The following ANKRD30B variants were observed in gnomAD, a reference collection of about 807,000 sequenced individuals.
ANKRD30B encodes ankyrin repeat domain 30B, also known as ankyrin repeat domain-containing protein 30B.
Under a neutral mutation model 202.2 loss-of-function variants are expected in ANKRD30B, and 144 were observed. The observed-to-expected ratio is 0.71, with a 90% confidence interval of 0.62 to 0.82. The LOEUF is 0.82. Among genes scored for constraint, ANKRD30B ranks in the 40% least tolerant of loss-of-function variants. The pLI is 0.00. For synonymous variants in ANKRD30B, 508 were observed against 561.3 expected (o/e 0.91, Z 1.34); for missense variants, 1,487 against 1,669.1 (o/e 0.89, Z 1.90).
At chr18:14,875,884 C>T in the ANKRD30B span, among the ~76,000 whole-genome samples, 7 of 152,120 alleles carry the variant, frequency 4.6e-5, no homozygotes, top group South Asian at 4.1e-4. Context: ...GGGCAATGGG[C>T]GCTAAGAATT....
the ANKRD30B span, among the ~76,000 whole-genome samples, chr18:14,911,159 A>T: frequency 6.6e-6 from 1 of 151,938 alleles, no homozygotes. Flanking sequence ...GTTTTGTTGC[A>T]CTTGCTTTTG....
the ANKRD30B span, among the ~76,000 whole-genome samples, chr18:14,873,856 G>A: frequency 1.3e-5 from 2 of 152,130 alleles, no homozygotes; most frequent in African/African-American, 2.4e-5. Context: ...CGAGGAATGG[G>A]TTCCATTTAA....
the ANKRD30B span, among the ~76,000 whole-genome samples, chr18:14,898,497 G>C: frequency 2.0e-5 from 3 of 152,156 alleles, no homozygotes; most frequent in African/African-American, 7.2e-5. Context: ...CTGCGGCCTA[G>C]TTCCTAACAG....
chr18:14,778,375 T>C (rs1265308649), intron 10 of ANKRD30B, among the ~76,000 whole-genome samples: 8 of 152,014 alleles, frequency 5.3e-5, no homozygotes, highest in Admixed American at 5.2e-4. Context: ...CAACAAGAAA[T>C]GGGTTTAGGT....
At chr18:14,896,282 C>T in the ANKRD30B span, among the ~76,000 whole-genome samples, 1 of 152,014 alleles carries the variant, frequency 6.6e-6, no homozygotes, top group Non-Finnish European at 1.5e-5. Context: ...CAGGCACCCG[C>T]CACCACGCCC....
chr18:14,748,330 G>T lies in ANKRD30B; in HGVS notation c.-90G>T, dbSNP rs1397124470. The T allele has an allele frequency of 1.8e-6, 2 of 1,141,356 alleles. No homozygotes were observed. Among genetic ancestry groups the T allele is most frequent in the African/African-American group, 3.2e-5 (2 of 63,332 alleles). The allele number at this position is 1,141,356 out of a possible 1,614,324, so 70.7% of individuals were successfully genotyped here. On this transcript the variant is annotated 5_prime_UTR_variant, in exon 1 of 44. Coordinates refer to ENST00000690538, the MANE Select transcript of ANKRD30B (RefSeq NM_001367607.2). ...AGTGCGAGCCGGGGGCGGGTGCTGG[G>T]GAAGGGTAAGCGGGAAGCGAGGGCG...
At chr18:14,808,372 G>T in intron 24 of ANKRD30B, 179 bp from the exon 25 acceptor site, 2 of 676,226 alleles carry the variant, frequency 3.0e-6, no homozygotes, top group Non-Finnish European at 5.4e-6. Flanking sequence ...ATTTTCTTAA[G>T]TATATTTCTG....
rs1971891436 is a variant in ANKRD30B, at chr18:14,851,674, G to T, written c.3730G>T (p.Glu1244Ter). Residue 1244 changes from glutamate (E) to a stop codon, truncating the protein, a stop_gained, in exon 42 of 44, where the codon GAA becomes TAA. Transcript: ENST00000690538. LOFTEE classifies it high-confidence loss of function. ...TAAGATTTTACAAGAAAAGAATGCT[G>T]AACTTCAAATGACCCTAAAACTGAA... is the stretch of plus-strand genomic sequence containing the variant. ...DIKILQEKNA[E>*]LQMTLKLKQK... The T allele has an allele frequency of 6.2e-7, 1 of 1,610,484 alleles. No homozygotes were observed. The highest frequency in any genetic ancestry group is 8.5e-7 in the Non-Finnish European group (1 of 1,178,636).
At chr18:14,806,379 A>G (rs1969514879) in intron 24 of ANKRD30B, among the ~76,000 whole-genome samples, 1 of 151,054 alleles carries the variant, frequency 6.6e-6, no homozygotes, top group African/African-American at 2.4e-5. Flanking sequence ...AGAAATTAAA[A>G]GTGAAGTAAT....
At chr18:14,915,785 T>C in the ANKRD30B span, among the ~76,000 whole-genome samples, 1 of 152,240 alleles carries the variant, frequency 6.6e-6, no homozygotes, top group Non-Finnish European at 1.5e-5. Context: ...AATGTCCTGA[T>C]ACGTAGATAT....
At chr18:14,856,550 G>A (rs1398259469), downstream of ANKRD30B, among the ~76,000 whole-genome samples, 4 of 131,212 alleles carry the variant, frequency 3.0e-5, no homozygotes, top group African/African-American at 5.4e-5. Flanking sequence ...GCCAGGCAGA[G>A]GCGCTCCTCA....
At position 14,810,100 on chromosome 18, in the gene ANKRD30B, C is replaced by A. The variant is rs751743558; in HGVS notation, c.2416-8C>A. ...TCTATTAATTTTTGTGTTTCCAAAC[C>A]CATTTAGCCTACCTGTGTAAGGAAA... On this transcript the variant is annotated splice_region_variant and splice_polypyrimidine_tract_variant and intron_variant, in intron 27 of 43. Coordinates refer to ENST00000690538, the MANE Select transcript of ANKRD30B (RefSeq NM_001367607.2). The A allele has an allele frequency of 3.1e-5, 47 of 1,498,232 alleles. 2 individuals carry two copies. The highest frequency in any genetic ancestry group is 3.9e-5 in the Non-Finnish European group (43 of 1,099,430). The allele number at this position is 1,498,232 out of a possible 1,614,324, so 92.8% of individuals were successfully genotyped here.
At chr18:14,918,693 A>G in the ANKRD30B span, among the ~76,000 whole-genome samples, 1 of 152,174 alleles carries the variant, frequency 6.6e-6, no homozygotes, top group Non-Finnish European at 1.5e-5. Flanking sequence ...GGGAACCAAG[A>G]TTTATCAATG....
intron 30 of ANKRD30B, chr18:14,816,764 A>G (rs1468942820): frequency 2.6e-5 from 4 of 152,188 alleles, no homozygotes; most frequent in Non-Finnish European, 5.9e-5. Context: ...CATATACACC[A>G]TGGAACACTA....
chr18:14,792,564 T>C (rs1047275519), intron 16 of ANKRD30B, among the ~76,000 whole-genome samples: 16 of 151,976 alleles, frequency 1.1e-4, no homozygotes, highest in Admixed American at 2.6e-4. Context: ...TTTTGGATTT[T>C]GTATGAAGGA....
At chr18:14,879,559 T>C in the ANKRD30B span, among the ~76,000 whole-genome samples, 1 of 151,982 alleles carries the variant, frequency 6.6e-6, no homozygotes, top group African/African-American at 2.4e-5. Context: ...AAGGTTGGTG[T>C]TAGGGTTAGG....
chr18:14,892,515 G>A, the ANKRD30B span, among the ~76,000 whole-genome samples: 1 of 152,066 alleles, frequency 6.6e-6, no homozygotes, highest in Non-Finnish European at 1.5e-5. Flanking sequence ...GAGTCAGGCA[G>A]ATCACTTGAG....
At chr18:14,918,932 G>T in the ANKRD30B span, among the ~76,000 whole-genome samples, 6 of 152,220 alleles carry the variant, frequency 3.9e-5, no homozygotes, top group African/African-American at 1.4e-4. Context: ...AGTGCTCACA[G>T]AAATTAGTTC....
the ANKRD30B span, among the ~76,000 whole-genome samples, chr18:14,918,012 A>G: frequency 6.6e-6 from 1 of 152,184 alleles, no homozygotes; most frequent in African/African-American, 2.4e-5. Context: ...TATCTGAAGA[A>G]CTAGAAAACT....
Sources: gnomAD v4.1 joint callset for allele counts (sites outside exome capture counted in the v4.1 genomes callset) on GRCh38, gnomAD v4.1.1 for gene constraint, MANE v1.5 for transcripts, NCBI Gene and HGNC (gene_info 2026-07-23, HGNC 2026-07-21) for gene names.